Variants in UXT observed in about 807,000 individuals in gnomAD.
The protein encoded by UXT is protein UXT.
For synonymous variants in UXT, 54 were observed against 52.8 expected, an observed-to-expected ratio of 1.02 and a Z score of -0.10; for missense variants, 111 against 132.7, an observed-to-expected ratio of 0.84 and a Z score of 0.80.
intron 1 of UXT, among the ~76,000 whole-genome samples, 154 bp from the exon 3 acceptor site, chrX:47,658,017 G>A (rs900929848): frequency 9.9e-5 from 11 of 110,754 alleles, no homozygotes. Context: ...GACTGCCTGG[G>A]TTTGGATCTG....
At position 47,652,153 on chromosome X, in the gene UXT, A is replaced by G. The variant is rs1351878211; in HGVS notation, c.393-9T>C. On this transcript the variant is annotated splice_polypyrimidine_tract_variant and intron_variant, in intron 4 of 5. Transcript: ENST00000335890. ...TGAGGCTGTTGCTGAGCCTAGAGAA[A>G]AGAAACAAGAAAGGGCAAAATGGGC... The G allele has an allele frequency of 8.4e-7, 1 of 1,196,816 alleles. No individual in the cohort carries two copies. Among genetic ancestry groups the G allele is most frequent in the African/African-American group, 1.8e-5 (1 of 57,017 alleles).
intron 4 of UXT, among the ~76,000 whole-genome samples, chrX:47,656,027 C>T (rs1456452957): frequency 9.0e-6 from 1 of 111,352 alleles, no homozygotes; most frequent in African/African-American, 3.3e-5. Flanking sequence ...ACAAATCTCC[C>T]AATGTGGCCC....
At chrX:47,653,974 G>A in intron 4 of UXT, 1 of 442,206 alleles carries the variant, frequency 2.3e-6, no homozygotes, top group South Asian at 1.2e-4. Context: ...CAGCTCCTAA[G>A]GGACAATTTT....
chrX:47,656,088 C>A (rs1410962590), intron 4 of UXT, among the ~76,000 whole-genome samples: 1 of 111,931 alleles, frequency 8.9e-6, no homozygotes, highest in African/African-American at 3.3e-5. Context: ...CTGGAGCCCA[C>A]ATTTTCTCTC....
Position 47,659,119 on chromosome X carries a change from G to T in UXT, c.-156C>A. 1.2e-6 allele frequency: 1 copy of T among 834,458 alleles called. No homozygotes were observed. Among genetic ancestry groups the T allele is most frequent in the Non-Finnish European group, 1.7e-6 (1 of 575,328 alleles). 68.8% of individuals were successfully genotyped at this position (834,458 alleles called of 1,213,427 possible). On this transcript the variant is annotated 5_prime_UTR_variant, in exon 1 of 6. In the 5' UTR this introduces an upstream ATG that the reference lacks. Coordinates refer to ENST00000335890, the MANE Select transcript of UXT (RefSeq NM_153477.3). Reference sequence around the variant, plus strand: ...ACACCCAAGCGCGGCCTTTACCTCAGGCCGCCAGCAATAAGAACGGTTGGT... The same window carrying T: ...ACACCCAAGCGCGGCCTTTACCTCATGCCGCCAGCAATAAGAACGGTTGGT...
At chrX:47,658,381 A>T (rs2058090758) in intron 1 of UXT, among the ~76,000 whole-genome samples, 1 of 111,560 alleles carries the variant, frequency 9.0e-6, no homozygotes, top group Non-Finnish European at 1.9e-5. Flanking sequence ...TACTCATTGA[A>T]CCTCTACTAT....
At chrX:47,656,871 T>C (rs937487876) in intron 4 of UXT, among the ~76,000 whole-genome samples, 1 of 112,329 alleles carries the variant, frequency 8.9e-6, no homozygotes, top group Admixed American at 9.4e-5. Flanking sequence ...TATAACAGTA[T>C]AGTCCTTCTA....
At chrX:47,652,578 C>G (rs915352288) in intron 4 of UXT, among the ~76,000 whole-genome samples, 6 of 112,146 alleles carry the variant, frequency 5.4e-5, no homozygotes, top group African/African-American at 1.9e-4. Flanking sequence ...GACTTAAAGA[C>G]AGTGAATTTT....
At chrX:47,655,135 T>A (rs2058079769) in intron 4 of UXT, among the ~76,000 whole-genome samples, 1 of 111,314 alleles carries the variant, frequency 9.0e-6, no homozygotes, top group African/African-American at 3.3e-5. Context: ...CAAAAATTAG[T>A]CGGGAGTGGT....
At chrX:47,657,514 G>C in intron 3 of UXT, 58 bp downstream of exon 4, 1 of 1,119,975 alleles carries the variant, frequency 8.9e-7, no homozygotes, top group Non-Finnish European at 1.2e-6. Context: ...AATATAAGTT[G>C]CATGAGGGAA....
chrX:47,656,394 G>A (rs1032058983), intron 4 of UXT, among the ~76,000 whole-genome samples: 6 of 111,610 alleles, frequency 5.4e-5, no homozygotes, highest in African/African-American at 2.0e-4. Flanking sequence ...CTAGTCACCT[G>A]GGTATAAGGG....
chrX:47,657,982 T>C, intron 1 of UXT, 119 bp from the exon 3 acceptor site: 1 of 559,945 alleles, frequency 1.8e-6, no homozygotes, highest in South Asian at 7.1e-5. Context: ...TTTTAGTGCA[T>C]AAGTTAATTT....
At chrX:47,656,757 T>C (rs2058084841) in intron 4 of UXT, among the ~76,000 whole-genome samples, 3 of 111,684 alleles carry the variant, frequency 2.7e-5, no homozygotes, top group Admixed American at 1.9e-4. Flanking sequence ...ACACAGTGAA[T>C]GAATAGTAAA....
intron 3 of UXT, 88 bp from the exon 5 acceptor site, chrX:47,657,378 T>C (rs2147951113): frequency 2.2e-6 from 2 of 895,891 alleles, no homozygotes; most frequent in South Asian, 2.3e-5. Context: ...CTTCCCCAAA[T>C]TGAGGCTCTG....
intron 4 of UXT, among the ~76,000 whole-genome samples, chrX:47,656,385 T>C (rs1254470160): frequency 8.9e-6 from 1 of 111,790 alleles, no homozygotes; most frequent in East Asian, 2.8e-4. Flanking sequence ...TGTACTACTC[T>C]AGTCACCTGG....
chrX:47,657,448 T>G, intron 3 of UXT, 124 bp downstream of exon 4: 2 of 821,835 alleles, frequency 2.4e-6, no homozygotes, highest in Non-Finnish European at 3.5e-6. Flanking sequence ...CTAGCTTATA[T>G]CCTACTGGGA....
intron 4 of UXT, chrX:47,653,891 G>A (rs2058075732): frequency 7.9e-6 from 1 of 126,501 alleles, no homozygotes; most frequent in Non-Finnish European, 1.5e-5. Flanking sequence ...TATGGGTGTT[G>A]TTGCCAGAGA....
At chrX:47,657,663 T>G (rs1352138847) in intron 2 of UXT, 24 bp from the exon 4 acceptor site, 1 of 1,198,678 alleles carries the variant, frequency 8.3e-7, no homozygotes, top group Non-Finnish European at 1.1e-6. Context: ...GAAAAAGAGG[T>G]AGGGGTCAGT....
chrX:47,656,059 A>G (rs1438902514), intron 4 of UXT, among the ~76,000 whole-genome samples: 3 of 111,382 alleles, frequency 2.7e-5, no homozygotes, highest in Non-Finnish European at 3.8e-5. Flanking sequence ...AAGATTGGAC[A>G]CTCCTGCCTT....
Sources: allele counts gnomAD v4.1 joint callset (sites outside exome capture counted in the v4.1 genomes callset), GRCh38; gene constraint gnomAD v4.1.1; transcripts MANE v1.5; gene names NCBI Gene and HGNC (gene_info 2026-07-23, HGNC 2026-07-21).